Variants in LAMA5 observed in about 807,000 individuals in gnomAD.
LAMA5 encodes laminin subunit alpha 5.
In LAMA5, 260 loss-of-function variants were observed where a neutral mutation model predicts 433.4. That is an observed-to-expected ratio of 0.60 (90% CI 0.54 to 0.66). The LOEUF (loss-of-function observed/expected upper bound fraction) is 0.66, where lower values mean the gene tolerates loss of function less well. Among genes scored for constraint, LAMA5 ranks in the 30% least tolerant of loss-of-function variants. The pLI, the probability that LAMA5 is intolerant of heterozygous loss-of-function variation, is 0.00. For missense variants in LAMA5, 5,378 were observed against 5,258.5 expected (o/e 1.02, Z -0.70); for synonymous variants, 2,620 against 2,226.6 (o/e 1.18, Z -4.97).
In LAMA5 at chr20:62,338,213, G is replaced by A. The variant is rs780349846; in HGVS notation, c.1756+19C>T. ...ACGGGCCTCCCCTACCCACGCCCAC[G>A]TGGAGAGGCACCACTCACACTGGCA... On this transcript the variant is annotated intron_variant, in intron 13 of 79. Coordinates refer to ENST00000252999, the MANE Select transcript of LAMA5 (RefSeq NM_005560.6). 29 of 1,581,256 alleles carry A rather than the reference G, an allele frequency of 1.8e-5. No homozygotes were observed. The Admixed American group carries it at 3.6e-4, about 20-fold the overall frequency.
chr20:62,364,572 C>T (rs966515702), intron 1 of LAMA5, among the ~76,000 whole-genome samples: 33 of 152,180 alleles, frequency 2.2e-4, no homozygotes, highest in African/African-American at 7.7e-4. Flanking sequence ...CGGAGGGTCC[C>T]GTGAGAACAG....
intron 26 of LAMA5, 145 bp from the exon 27 acceptor site, chr20:62,332,862 G>T: frequency 9.2e-7 from 1 of 1,090,430 alleles, no homozygotes; most frequent in Non-Finnish European, 1.3e-6. Flanking sequence ...GCAAGTGGTG[G>T]GGGCTGAGCT....
At chr20:62,309,654 A>AGGGGGCAGGGGGGGGAGGGGGGGG (rs1985975823) in intron 79 of LAMA5, 62 bp downstream of exon 79, 1 of 294,110 alleles carries the variant, frequency 3.4e-6, no homozygotes, top group Non-Finnish European at 5.0e-6. Flanking sequence ...GGAGGGTGGT[A>AGGGGGCAGGGGGGGGAGGGGGGGG]GGTTACGCAG....
At chr20:62,343,909 C>T (rs1349430710) in intron 11 of LAMA5, among the ~76,000 whole-genome samples, 2 of 151,760 alleles carry the variant, frequency 1.3e-5, no homozygotes, top group South Asian at 2.1e-4. Context: ...CTTTAGGATG[C>T]CAAGGCAGGC....
chr20:62,354,307 G>A (rs1984822274), intron 2 of LAMA5, among the ~76,000 whole-genome samples: 2 of 151,126 alleles, frequency 1.3e-5, no homozygotes, highest in Non-Finnish European at 3.0e-5. Context: ...ACTCCCCTCA[G>A]GCCTCTGATC....
Position 62,314,410 on chromosome 20 carries a change from G to T in LAMA5, c.8398C>A (p.Arg2800Ser). Reference sequence around the variant, plus strand: ...TACACCCAGTGCACCTTCTTGTCACGCAGAGACACACCCATGTAGTCCCCA... The same window carrying T: ...TACACCCAGTGCACCTTCTTGTCACTCAGAGACACACCCATGTAGTCCCCA... The part of the protein sequence containing the change: ...ATGDYMGVSL[R>S]DKKVHWVYQL... The change falls in exon 62 of 80, where the codon CGT becomes AGT. Residue 2800 changes from arginine (R) to serine (S), a missense_variant. By Grantham distance (110) the Arg-to-Ser change is moderately radical (BLOSUM62 -1). Transcript: ENST00000252999. 6.2e-7 allele frequency: 1 copy of T among 1,613,408 alleles called. No homozygotes were observed. The highest frequency in any genetic ancestry group is 8.5e-7 in the Non-Finnish European group (1 of 1,179,928).
Position 62,323,572 on chromosome 20 carries a change from T to C in LAMA5, c.5948A>G (p.Asp1983Gly). The change falls in exon 45 of 80, where the codon GAC (aspartate) becomes GGC (glycine). Residue 1983 changes from aspartate (D) to glycine (G), a missense_variant. Transcript: ENST00000252999. The stretch of plus-strand genomic sequence containing the variant: ...GCAGGCGCCCGTCAGGGGGTCGCAG[T>C]CGCTGAAGAGCAAGTTGGGGTCACC... ...GNGDPNLLFS[D>G]CDPLTGACRG... is the part of the protein sequence containing the mutation. The C allele has an allele frequency of 6.2e-7, 1 of 1,606,440 alleles. No homozygotes were observed. The highest frequency in any genetic ancestry group is 8.5e-7 in the Non-Finnish European group (1 of 1,177,972).
rs1334782494 is a variant in LAMA5, at chr20:62,313,209, T to C, written c.8834A>G (p.Tyr2945Cys). 3 of 1,547,232 alleles carry C rather than the reference T, an allele frequency of 1.9e-6. No individual in the cohort carries two copies. Among genetic ancestry groups the C allele is most frequent in the Non-Finnish European group, 2.6e-6 (3 of 1,153,788 alleles). The change falls in exon 65 of 80, where the codon TAC becomes TGC. Residue 2945 changes from tyrosine (Y) to cysteine (C), a missense_variant. Tyr to Cys is a radical substitution (Grantham distance 194, BLOSUM62 -2). Coordinates refer to ENST00000252999, the MANE Select transcript of LAMA5 (RefSeq NM_005560.6). ...TGDPWLTDGS[Y>C]LDGTGFARIS... is the part of the protein sequence containing the mutation. ...GCGGGCGAAGCCGGTGCCGTCCAGGTAGGAGCCGTCCGTGAGCCACGGGTC... is the reference window on the plus strand; with the variant it reads ...GCGGGCGAAGCCGGTGCCGTCCAGGCAGGAGCCGTCCGTGAGCCACGGGTC...
chr20:62,309,923 G>T (rs550948935), intron 78 of LAMA5, 65 bp downstream of exon 78: 5 of 1,604,642 alleles, frequency 3.1e-6, no homozygotes, highest in Non-Finnish European at 4.2e-6. Context: ...CCAGAGTCCC[G>T]CCTGGCTCCC....
At chr20:62,353,307 A>G (rs1984656244) in intron 2 of LAMA5, 56 bp from the exon 3 acceptor site, 21 of 1,282,368 alleles carry the variant, frequency 1.6e-5, no homozygotes, top group Non-Finnish European at 1.8e-5. Context: ...CCATGCTCCC[A>G]GGGGCCTGGC....
Position 62,334,456 on chromosome 20 carries a change from C to T in LAMA5, c.2582+66G>A, listed in dbSNP as rs997290187. The T allele has an allele frequency of 2.0e-5, 30 of 1,514,376 alleles. 1 individual carries two copies. Among genetic ancestry groups the T allele is most frequent in the Admixed American group, 1.2e-4 (6 of 49,218 alleles). 93.8% of individuals were successfully genotyped at this position (1,514,376 alleles called of 1,614,324 possible). On this transcript the variant is annotated intron_variant, in intron 21 of 79. Coordinates refer to ENST00000252999, the MANE Select transcript of LAMA5 (RefSeq NM_005560.6). ...TCACGTGGGCCCATGGTGAGGGACA[C>T]GGAGAGGCCCGGAGGACAAGCTGCC... is the stretch of plus-strand genomic sequence containing the variant.
chr20:62,315,441 CA>C (rs1360805029), intron 58 of LAMA5, among the ~76,000 whole-genome samples: 1 of 152,100 alleles, frequency 6.6e-6, no homozygotes, highest in African/African-American at 2.4e-5. Context: ...GGTCCCTGGA[CA>C]TGTGCCCCAT....
At chr20:62,331,159 G>A (rs969548117) in intron 28 of LAMA5, 30 bp from the exon 29 acceptor site, 8 of 1,482,306 alleles carry the variant, frequency 5.4e-6, no homozygotes, top group African/African-American at 1.4e-5. Context: ...ATGCTGCAAC[G>A]CCCGTGGTGC....
chr20:62,311,827 C>A, intron 70 of LAMA5, 43 bp from the exon 71 acceptor site: 1 of 1,463,218 alleles, frequency 6.8e-7, no homozygotes, highest in Non-Finnish European at 9.4e-7. Context: ...CCCCACCCTG[C>A]CCACCCCCAC....
At chr20:62,354,160 C>T (rs1403568761) in intron 2 of LAMA5, among the ~76,000 whole-genome samples, 2 of 152,062 alleles carry the variant, frequency 1.3e-5, no homozygotes, top group Non-Finnish European at 2.9e-5. Context: ...TGGGGGACAG[C>T]CTGGCTCAGT....
intron 5 of LAMA5, 42 bp downstream of exon 5, chr20:62,351,867 C>T (rs749956502): frequency 1.9e-6 from 3 of 1,576,336 alleles, no homozygotes; most frequent in Non-Finnish European, 2.6e-6. Context: ...CCGGGTCCAC[C>T]CGGCCAGTCC....
At chr20:62,341,826 C>CAAAAAAAAAAAAAAAAAAAAAAAACAA (rs11466846) in intron 11 of LAMA5, among the ~76,000 whole-genome samples, 1 of 128,156 alleles carries the variant, frequency 7.8e-6, no homozygotes, top group African/African-American at 3.8e-5. Flanking sequence ...TCTGATCAAC[C>CAAAAAAAAAAAAAAAAAAAAAAAACAA]AAAAAAAAAA....
At chr20:62,344,983 C>CT (rs1170946920) in intron 11 of LAMA5, among the ~76,000 whole-genome samples, 4 of 152,124 alleles carry the variant, frequency 2.6e-5, no homozygotes, top group Admixed American at 2.6e-4. Context: ...CATTCAAGCG[C>CT]TGTGCAGAGC....
rs545263457 is a variant in LAMA5, at chr20:62,314,843, G to A, written c.8152C>T (p.Arg2718Cys). The A allele has an allele frequency of 2.5e-5, 40 of 1,612,708 alleles. No homozygotes were observed. Among genetic ancestry groups the A allele is most frequent in the Middle Eastern group, 1.6e-4 (1 of 6,062 alleles). ...ASLALSASIG[R>C]VRELIAQARG... Reference sequence around the variant, plus strand: ...GCCTGGGCAATGAGCTCTCGCACGCGGCCAATGCTGGCGGACAGGGCCAGG... The same window carrying A: ...GCCTGGGCAATGAGCTCTCGCACGCAGCCAATGCTGGCGGACAGGGCCAGG... Residue 2718 changes from arginine (R) to cysteine (C), a missense_variant, in exon 60 of 80, where the codon CGC becomes TGC. Coordinates refer to ENST00000252999, the MANE Select transcript of LAMA5 (RefSeq NM_005560.6).
Sources: allele counts gnomAD v4.1 joint callset (sites outside exome capture counted in the v4.1 genomes callset), GRCh38; gene constraint gnomAD v4.1.1; transcripts MANE v1.5; gene names NCBI Gene and HGNC (gene_info 2026-07-23, HGNC 2026-07-21).